CACNA1I: variants seen among roughly 807,000 people sequenced by gnomAD.
The protein encoded by CACNA1I is voltage-dependent T-type calcium channel subunit alpha-1I.
CACNA1I carries 74 observed loss-of-function variants against 201.6 expected under a neutral mutation model. The observed-to-expected ratio is 0.37, with a 90% CI of 0.30 to 0.45. CACNA1I has a LOEUF of 0.45. Ranked by LOEUF, CACNA1I falls within the 20% of genes least tolerant of loss-of-function variation. The pLI is 1.00. For missense variants in CACNA1I, 2,346 were observed against 3,138.1 expected, an observed-to-expected ratio of 0.75 and a Z score of 6.03; for synonymous variants, 1,431 against 1,345.2, an observed-to-expected ratio of 1.06 and a Z score of -1.40.
chr22:39,579,193 C>A (rs1256828187), intron 1 of CACNA1I, among the ~76,000 whole-genome samples: 2 of 152,254 alleles, frequency 1.3e-5, no homozygotes, highest in South Asian at 2.1e-4. Context: ...CTCCAGTTCA[C>A]AGAGCTCTTC....
chr22:39,585,345 G>T (rs1274373522), intron 1 of CACNA1I, among the ~76,000 whole-genome samples: 1 of 150,352 alleles, frequency 6.7e-6, no homozygotes, highest in Non-Finnish European at 1.5e-5. Context: ...TTACAAGTGT[G>T]AGCCACTGGG....
intron 4 of CACNA1I, among the ~76,000 whole-genome samples, chr22:39,628,546 G>A (rs942904286): frequency 6.6e-6 from 1 of 152,106 alleles, no homozygotes; most frequent in African/African-American, 2.4e-5. Flanking sequence ...GAAGTGAGCT[G>A]CTGGCTGGCT....
chr22:39,629,856 C>T lies in CACNA1I; in HGVS notation c.581-4709C>T, dbSNP rs924436019. Among the ~76,000 whole-genome samples, 1 of 152,180 alleles carries T rather than the reference C, an allele frequency of 6.6e-6. No homozygotes were observed. The highest frequency in any genetic ancestry group is 1.5e-5 in the Non-Finnish European group (1 of 68,030). On this transcript the variant is annotated intron_variant, in intron 4 of 36. Transcript: ENST00000402142. The surrounding 1 kb of genome is among the most constrained non-coding windows in gnomAD (Gnocchi z 4.8). Reference sequence around the variant, plus strand: ...GACTGTGCGGCTGATGCTCTCTCTCCTCTGCCCTGGCCCCCCGCGATCCAT... The same window carrying T: ...GACTGTGCGGCTGATGCTCTCTCTCTTCTGCCCTGGCCCCCCGCGATCCAT...
chr22:39,635,501 C>T (rs759746621), intron 5 of CACNA1I, among the ~76,000 whole-genome samples: 51 of 152,292 alleles, frequency 3.3e-4, no homozygotes, highest in Non-Finnish European at 6.2e-4. Context: ...GTTTCTCCCT[C>T]CCGGCCTGGT....
At chr22:39,601,021 C>T (rs894549092) in intron 3 of CACNA1I, among the ~76,000 whole-genome samples, 7 of 152,188 alleles carry the variant, frequency 4.6e-5, no homozygotes, top group Admixed American at 1.3e-4. Flanking sequence ...CTGGATCTCT[C>T]ATCACGCCAG....
chr22:39,598,743 T>C (rs763163193), intron 2 of CACNA1I, among the ~76,000 whole-genome samples: 4 of 152,022 alleles, frequency 2.6e-5, no homozygotes, highest in Non-Finnish European at 1.5e-5. Context: ...GGAGCGGGCC[T>C]CTGGTTTTAC....
rs753490693 is a variant in CACNA1I at position 39,570,769 on chromosome 22, C to A, written c.17C>A (p.Ser6Tyr). The A allele has an allele frequency of 6.2e-7, 1 of 1,606,986 alleles. No homozygotes were observed. Among genetic ancestry groups the A allele is most frequent in the Non-Finnish European group, 8.5e-7 (1 of 1,177,300 alleles). ...AGTGTGGACATGGCTGAGAGCGCCT[C>A]CCCGCCCTCCTCATCTGCAGCAGCC... Reference protein sequence around the residue: MAESASPPSSSAAAPA... With the variant: MAESAYPPSSSAAAPA... Residue 6 changes from serine (S) to tyrosine (Y), a missense_variant, in exon 1 of 37, where the codon TCC becomes TAC. Transcript: ENST00000402142.
At chr22:39,681,282 G>C (rs189979310) in intron 34 of CACNA1I, among the ~76,000 whole-genome samples, 1 of 152,384 alleles carries the variant, frequency 6.6e-6, no homozygotes, top group Non-Finnish European at 1.5e-5. Context: ...CCGGCACCCA[G>C]CAGTACTGGC....
chr22:39,679,909 CAG>C (rs1935645323), intron 33 of CACNA1I, 41 bp downstream of exon 33: 1 of 1,584,854 alleles, frequency 6.3e-7, no homozygotes, highest in Non-Finnish European at 8.6e-7. Context: ...GTGGCAGGGG[CAG>C]CACGAAACCT....
chr22:39,650,259 C>G (rs2072038842), intron 10 of CACNA1I, among the ~76,000 whole-genome samples: 1 of 151,720 alleles, frequency 6.6e-6, no homozygotes, highest in African/African-American at 2.4e-5. Context: ...CCCTGCAAAT[C>G]TGACTTCTAT....
chr22:39,680,895 C>G, intron 33 of CACNA1I, 35 bp from the exon 34 acceptor site: 1 of 1,593,500 alleles, frequency 6.3e-7, no homozygotes, highest in African/African-American at 1.3e-5. Context: ...CCATCCCAAA[C>G]CTGGGTGACC....
At chr22:39,600,868 G>A (rs1424921843) in intron 3 of CACNA1I, among the ~76,000 whole-genome samples, 1 of 152,124 alleles carries the variant, frequency 6.6e-6, no homozygotes, top group Non-Finnish European at 1.5e-5. Context: ...GATACTGGGT[G>A]AGTTTATGCT....
intron 3 of CACNA1I, among the ~76,000 whole-genome samples, chr22:39,612,595 C>G (rs1010072880): frequency 7.2e-5 from 11 of 152,142 alleles, no homozygotes; most frequent in African/African-American, 2.7e-4. Flanking sequence ...ATGAGTTTCC[C>G]TTTGCCTGTT....
chr22:39,643,023 G>A, intron 7 of CACNA1I, 134 bp downstream of exon 7: 1 of 621,812 alleles, frequency 1.6e-6, no homozygotes, highest in Non-Finnish European at 2.8e-6. Context: ...AGCAGGAAGG[G>A]CTGTTTCTCA....
At position 39,662,219 on chromosome 22, in the gene CACNA1I, C is replaced by T. The variant is rs1462586428; in HGVS notation, c.3156C>T (p.His1052=). 6.5e-7 allele frequency: 1 copy of T among 1,529,010 alleles called. No individual in the cohort carries two copies. The highest frequency in any genetic ancestry group is 1.2e-5 in the South Asian group (1 of 82,376). 94.7% of individuals were successfully genotyped at this position (1,529,010 alleles called of 1,614,324 possible). ...HGPHLAHRHR[H]HRRTLSLDNR... ...CCCATCTGGCGCACCGCCACCGCCA[C>T]CACCGCCGGACGCTGTCCCTCGACA... The change falls in exon 17 of 37, where the codon CAC becomes CAT. Residue 1052 remains histidine, a synonymous_variant. Coordinates refer to ENST00000402142, the MANE Select transcript of CACNA1I (RefSeq NM_021096.4).
At chr22:39,622,207 T>C (rs136805) in intron 4 of CACNA1I, among the ~76,000 whole-genome samples, 44,291 of 151,984 alleles carry the variant, frequency 0.29, 7,744 homozygotes, top group East Asian at 0.81. Flanking sequence ...ACGTGTGAAA[T>C]GGACACAGCA....
chr22:39,619,148 C>T (rs1933651204), intron 3 of CACNA1I, among the ~76,000 whole-genome samples, 162 bp from the exon 4 acceptor site: 1 of 152,200 alleles, frequency 6.6e-6, no homozygotes, highest in African/African-American at 2.4e-5. Flanking sequence ...GGGCCACCAA[C>T]CCCAGGCCAC....
chr22:39,580,808 A>C (rs1441645903), intron 1 of CACNA1I, among the ~76,000 whole-genome samples: 1 of 152,168 alleles, frequency 6.6e-6, no homozygotes, highest in African/African-American at 2.4e-5. Context: ...GGAAAGACTG[A>C]GGCATAGAAA....
At chr22:39,606,665 T>C (rs1339471088) in intron 3 of CACNA1I, among the ~76,000 whole-genome samples, 1 of 152,224 alleles carries the variant, frequency 6.6e-6, no homozygotes, top group African/African-American at 2.4e-5. Flanking sequence ...CCCGAGTAGC[T>C]GGGATTACAG....
Sources: gnomAD v4.1 joint callset for allele counts (sites outside exome capture counted in the v4.1 genomes callset) on GRCh38, gnomAD v4.1.1 for gene constraint, Gnocchi (gnomAD v3.1) non-coding constraint, MANE v1.5 for transcripts, NCBI Gene and HGNC (gene_info 2026-07-23, HGNC 2026-07-21) for gene names.